Variants in ROBO2 observed in about 807,000 individuals in gnomAD.
ROBO2 encodes the protein roundabout homolog 2.
A neutral mutation model predicts 160.8 loss-of-function variants in ROBO2; 53 were observed. The ratio of observed to expected loss-of-function variants is 0.33; its 90% CI spans 0.26 to 0.41. The LOEUF (loss-of-function observed/expected upper bound fraction) is 0.41. Among genes scored for constraint, ROBO2 ranks in the 10% least tolerant of loss-of-function variants. The pLI is 1.00. For missense variants in ROBO2, 1,577 were observed against 1,722.4 expected (o/e 0.92, Z 1.49); for synonymous variants, 664 against 611.7 (o/e 1.09, Z -1.26).
chr3:77,081,880 A>C (rs73112412), intron 1 of ROBO2, among the ~76,000 whole-genome samples: 10,113 of 152,144 alleles, frequency 0.066, 360 homozygotes, highest in East Asian at 0.12. Flanking sequence ...AATCACTCTT[A>C]ATATTGGCTA....
chr3:76,737,043 G>A (rs1380467737), intron 2 of ROBO2, among the ~76,000 whole-genome samples: 3 of 152,160 alleles, frequency 2.0e-5, no homozygotes, highest in Non-Finnish European at 4.4e-5. Context: ...TATTGAGAAT[G>A]GCAGAGAATT....
chr3:76,656,977 A>C (rs1409743994), intron 2 of ROBO2, among the ~76,000 whole-genome samples: 1 of 152,104 alleles, frequency 6.6e-6, no homozygotes, highest in East Asian at 1.9e-4. Context: ...TCTATTTTGG[A>C]GAGATACAAT....
Position 77,550,697 on chromosome 3 carries a change from T to C in ROBO2, c.1060-121T>C. ...GTGGCATTTAAACATTTCTGAACCATATATATTTTAATCTGTGTATTTTCT... is the reference window on the plus strand; with the variant it reads ...GTGGCATTTAAACATTTCTGAACCACATATATTTTAATCTGTGTATTTTCT... On this transcript the variant is annotated intron_variant, in intron 7 of 25. Transcript: ENST00000461745. The C allele has an allele frequency of 4.9e-6, 5 of 1,028,052 alleles. No individual in the cohort carries two copies. The South Asian group carries it at 6.8e-5, about 14-fold the overall frequency. The allele number at this position is 1,028,052 out of a possible 1,614,324, so 63.7% of individuals were successfully genotyped here.
At chr3:77,376,378 G>T (rs1020009054) in intron 2 of ROBO2, among the ~76,000 whole-genome samples, 1 of 151,634 alleles carries the variant, frequency 6.6e-6, no homozygotes, top group East Asian at 2.0e-4. Flanking sequence ...ATCTGGTCTC[G>T]AACTCCTGAC....
At chr3:77,214,073 G>A (rs1170219119) in intron 2 of ROBO2, among the ~76,000 whole-genome samples, 1 of 152,126 alleles carries the variant, frequency 6.6e-6, no homozygotes, top group Admixed American at 6.5e-5. Flanking sequence ...TGGGTGGAGA[G>A]TTCTGTAGAT....
intron 4 of ROBO2, among the ~76,000 whole-genome samples, chr3:77,482,519 T>C (rs1416653502): frequency 6.6e-6 from 1 of 152,206 alleles, no homozygotes; most frequent in African/African-American, 2.4e-5. Context: ...ACACTCCCTG[T>C]GGCTACTAAG....
At chr3:76,419,872 G>A (rs1047449874) in intron 2 of ROBO2, among the ~76,000 whole-genome samples, 1 of 152,024 alleles carries the variant, frequency 6.6e-6, no homozygotes, top group Non-Finnish European at 1.5e-5. Context: ...AACTCTAATG[G>A]GTTTTTGTTT....
At chr3:76,763,543 T>C (rs2108406269) in intron 2 of ROBO2, among the ~76,000 whole-genome samples, 1 of 142,696 alleles carries the variant, frequency 7.0e-6, no homozygotes, top group South Asian at 2.3e-4. Flanking sequence ...ACTTATTCAA[T>C]CCTCCTTTTA....
chr3:77,542,190 C>T (rs780155118), intron 6 of ROBO2, among the ~76,000 whole-genome samples: 6 of 152,102 alleles, frequency 3.9e-5, no homozygotes, highest in Non-Finnish European at 5.9e-5. Flanking sequence ...AAAATAAATT[C>T]CTTCAGCTGA....
chr3:76,209,771 CAG>C (rs1703029450), intron 2 of ROBO2, among the ~76,000 whole-genome samples: 1 of 152,010 alleles, frequency 6.6e-6, no homozygotes, highest in African/African-American at 2.4e-5. Flanking sequence ...TTAAACTACA[CAG>C]GGGTATAGAG....
upstream of ROBO2, among the ~76,000 whole-genome samples, chr3:77,035,472 A>G (rs2063575678): frequency 6.7e-6 from 1 of 148,718 alleles, no homozygotes; most frequent in Non-Finnish European, 1.5e-5. Context: ...CTAAAGGAAG[A>G]AAGATTTTCT....
chr3:77,183,440 G>T (rs2080983268), intron 2 of ROBO2, among the ~76,000 whole-genome samples: 1 of 151,928 alleles, frequency 6.6e-6, no homozygotes, highest in East Asian at 1.9e-4. Context: ...AGGTCATCAG[G>T]GTGGGCCCTA....
chr3:77,416,032 C>T (rs144838207), intron 2 of ROBO2, among the ~76,000 whole-genome samples: 2,422 of 152,182 alleles, frequency 0.016, 32 homozygotes, highest in Non-Finnish European at 0.024. Flanking sequence ...TGGTGGGTTC[C>T]GTGTTCTTGT....
At chr3:76,619,295 G>C (rs1055859263) in intron 2 of ROBO2, among the ~76,000 whole-genome samples, 6 of 149,974 alleles carry the variant, frequency 4.0e-5, no homozygotes, top group South Asian at 2.1e-4. Flanking sequence ...AGCCGAGATC[G>C]CGCCACTGCA....
intron 2 of ROBO2, among the ~76,000 whole-genome samples, chr3:76,489,320 T>C (rs970621113): frequency 1.3e-5 from 2 of 151,996 alleles, no homozygotes; most frequent in Non-Finnish European, 2.9e-5. Flanking sequence ...AATATCAGGA[T>C]AAATGGAAGC....
intron 4 of ROBO2, among the ~76,000 whole-genome samples, chr3:77,486,804 C>T (rs1473837520): frequency 6.6e-6 from 1 of 151,964 alleles, no homozygotes; most frequent in African/African-American, 2.4e-5. Flanking sequence ...TGCTTCTCTG[C>T]CTTTATTTCC....
At position 77,292,189 on chromosome 3, in the gene ROBO2, A is replaced by T. The variant is rs370680756; in HGVS notation, c.389-185225A>T. Among the ~76,000 whole-genome samples the T allele has an allele frequency of 4.0e-5, 6 of 151,714 alleles. No homozygotes were observed. In the East Asian group the frequency reaches 9.7e-4, roughly 25 times the overall value. On this transcript the variant is annotated intron_variant, in intron 2 of 25. Coordinates refer to ENST00000461745, the Ensembl canonical transcript of ROBO2. ...TGAGGCTAGATCACGCCAGACATAAAGTAAAATTGATGGTTAAACGGGTAA... is the reference window on the plus strand; with the variant it reads ...TGAGGCTAGATCACGCCAGACATAATGTAAAATTGATGGTTAAACGGGTAA...
chr3:77,430,727 C>A (rs1275178186), intron 2 of ROBO2, among the ~76,000 whole-genome samples: 7 of 152,124 alleles, frequency 4.6e-5, no homozygotes, highest in Non-Finnish European at 7.4e-5. Context: ...CCTTGGACTT[C>A]CTAACCTCCA....
chr3:77,559,664 G>A, intron 9 of ROBO2, among the ~76,000 whole-genome samples: 1 of 151,994 alleles, frequency 6.6e-6, no homozygotes, highest in Non-Finnish European at 1.5e-5. Flanking sequence ...TTGGCATATT[G>A]TTCTTTTATA....
Sources: gnomAD v4.1 joint callset for allele counts (sites outside exome capture counted in the v4.1 genomes callset) on GRCh38, gnomAD v4.1.1 for gene constraint, MANE v1.5 for transcripts, NCBI Gene and HGNC (gene_info 2026-07-23, HGNC 2026-07-21) for gene names.